The following NDC80 variants were observed in gnomAD, a reference collection of about 807,000 sequenced individuals.
The protein encoded by NDC80 is kinetochore protein NDC80 homolog.
A neutral mutation model predicts 89.3 loss-of-function variants in NDC80; 69 were observed. The ratio of observed to expected loss-of-function variants is 0.77; its 90% CI spans 0.64 to 0.94. The LOEUF is 0.94. NDC80 is among the 40% of genes least tolerant of loss of function. The pLI is 0.00. For missense variants in NDC80, 593 were observed against 739.6 expected, an observed-to-expected ratio of 0.80 and a Z score of 2.30; for synonymous variants, 243 against 255.6, an observed-to-expected ratio of 0.95 and a Z score of 0.47.
At chr18:2,577,485 AT>A (rs1429446702) in intron 3 of NDC80, 4 of 316,554 alleles carry the variant, frequency 1.3e-5, no homozygotes, top group Non-Finnish European at 2.4e-5. Flanking sequence ...AAGTGCTGGG[AT>A]TACAGGCATG....
At position 2,579,482 on chromosome 18, in the gene NDC80, C is replaced by T. The variant is rs144770047; in HGVS notation, c.579+453C>T. 1.4e-3 allele frequency among the ~76,000 whole-genome samples: 217 copies of T among 152,176 alleles called. 1 individual carries two copies. The highest frequency in any genetic ancestry group is 4.9e-3 in the African/African-American group (202 of 41,530). On this transcript the variant is annotated intron_variant, in intron 6 of 16. Coordinates refer to ENST00000261597, the MANE Select transcript of NDC80 (RefSeq NM_006101.3). ...TCGCTGTGTTGCCCAGGCTGGAGTG[C>T]GGTGGCATGATCTCAGCTCACTTCA...
intron 16 of NDC80, among the ~76,000 whole-genome samples, chr18:2,612,209 T>A (rs1234360440): frequency 1.3e-5 from 2 of 151,880 alleles, no homozygotes; most frequent in Non-Finnish European, 2.9e-5. Context: ...TTTCTTCATC[T>A]GTAAAAATGA....
intron 1 of NDC80, among the ~76,000 whole-genome samples, chr18:2,571,965 G>A (rs1458430471): frequency 1.3e-5 from 2 of 152,130 alleles, no homozygotes; most frequent in Non-Finnish European, 2.9e-5. Flanking sequence ...TGAAGGGGGC[G>A]GAAAGAGATG....
chr18:2,615,898 A>G (rs545646655), intron 16 of NDC80, among the ~76,000 whole-genome samples: 1 of 152,358 alleles, frequency 6.6e-6, no homozygotes, highest in African/African-American at 2.4e-5. Context: ...ATGTGTGTGT[A>G]ATAAAGGTAT....
chr18:2,589,154 T>C, intron 8 of NDC80, 50 bp from the exon 9 acceptor site: 2 of 1,204,966 alleles, frequency 1.7e-6, no homozygotes, highest in Non-Finnish European at 2.5e-6. Context: ...TGGGAAAGAA[T>C]GTTCTAGGCG....
At chr18:2,613,213 A>G (rs1050753824) in intron 16 of NDC80, among the ~76,000 whole-genome samples, 3 of 152,238 alleles carry the variant, frequency 2.0e-5, no homozygotes, top group African/African-American at 7.2e-5. Flanking sequence ...TTGTTTTAGT[A>G]TATCTTTGGC....
In NDC80 at chr18:2,598,206, A is replaced by T. The variant is rs1490220662; in HGVS notation, c.1222-813A>T. On this transcript the variant is annotated intron_variant, in intron 11 of 16. Transcript: ENST00000261597. The stretch of plus-strand genomic sequence containing the variant: ...CATTCCTTCACTCAAATTGATTTTT[A>T]TGGATGGGTAATAACAATGAGAAAC... 2.6e-5 allele frequency among the ~76,000 whole-genome samples: 4 copies of T among 152,192 alleles called. No individual in the cohort carries two copies. The East Asian group carries it at 7.7e-4, about 29-fold the overall frequency.
intron 6 of NDC80, among the ~76,000 whole-genome samples, chr18:2,584,105 T>C (rs2094086785): frequency 6.6e-6 from 1 of 151,966 alleles, no homozygotes; most frequent in South Asian, 2.1e-4. Context: ...CTGGCCAACA[T>C]GGTGAAACCC....
intron 16 of NDC80, 72 bp downstream of exon 16, chr18:2,610,933 C>A (rs558907148): frequency 3.3e-6 from 3 of 920,954 alleles, no homozygotes; most frequent in East Asian, 6.0e-5. Context: ...TGCTTTCTTC[C>A]ATATAAATTA....
At chr18:2,596,374 CAG>C (rs1279031291) in intron 11 of NDC80, among the ~76,000 whole-genome samples, 1 of 151,948 alleles carries the variant, frequency 6.6e-6, no homozygotes, top group Non-Finnish European at 1.5e-5. Context: ...AGGACATGAA[CAG>C]ACACTTCTCA....
intron 11 of NDC80, among the ~76,000 whole-genome samples, chr18:2,595,841 TA>T (rs1188622365): frequency 2.0e-5 from 3 of 152,240 alleles, no homozygotes; most frequent in African/African-American, 7.2e-5. Flanking sequence ...AATGAAAAAG[TA>T]AACAAAAAAG....
At chr18:2,583,739 C>T in intron 6 of NDC80, among the ~76,000 whole-genome samples, 1 of 150,784 alleles carries the variant, frequency 6.6e-6, no homozygotes, top group Non-Finnish European at 1.5e-5. Context: ...GAGGCCTTGT[C>T]GAAAAAAGAC....
chr18:2,578,901 G>A, intron 5 of NDC80, 26 bp from the exon 6 acceptor site: 2 of 1,286,806 alleles, frequency 1.6e-6, no homozygotes, highest in Non-Finnish European at 2.1e-6. Context: ...CATTAAATTA[G>A]CTTATGTTTT....
At position 2,595,436 on chromosome 18, in the gene NDC80, A is replaced by C; in HGVS notation, c.1036A>C (p.Lys346Gln). ...ARVELECETI[K>Q]QENTRLQNII... ...CACAGAACTAGAATGTGAAACAATA[A>C]AACAGGAGAACACTCGACTACAGAA... Residue 346 changes from lysine (K) to glutamine (Q), a missense_variant, in exon 11 of 17, where the codon AAA (lysine) becomes CAA (glutamine). Coordinates refer to ENST00000261597, the MANE Select transcript of NDC80 (RefSeq NM_006101.3). 6.2e-7 allele frequency: 1 copy of C among 1,613,726 alleles called. No individual in the cohort carries two copies. Among genetic ancestry groups the C allele is most frequent in the Non-Finnish European group, 8.5e-7 (1 of 1,179,824 alleles).
Position 2,592,207 on chromosome 18 carries a change from A to G in NDC80, c.1015+2045A>G, listed in dbSNP as rs1470838276. Reference sequence around the variant, plus strand: ...GAAATACTTAATCATTTGCCATTCCAGAGTGATTTAGTTTGAGACATTAAT... The same window carrying G: ...GAAATACTTAATCATTTGCCATTCCGGAGTGATTTAGTTTGAGACATTAAT... On this transcript the variant is annotated intron_variant, in intron 10 of 16. Transcript: ENST00000261597. Among the ~76,000 whole-genome samples the G allele has an allele frequency of 4.6e-5, 7 of 152,328 alleles. No individual in the cohort carries two copies. In the South Asian group the frequency reaches 1.4e-3, roughly 32 times the overall value.
At chr18:2,612,257 C>T (rs1166348160) in intron 16 of NDC80, among the ~76,000 whole-genome samples, 4 of 145,046 alleles carry the variant, frequency 2.8e-5, no homozygotes, top group African/African-American at 7.7e-5. Flanking sequence ...TCCTTAGCAC[C>T]TCTGACTTTC....
chr18:2,578,802 A>G (rs544104532), intron 5 of NDC80, 125 bp from the exon 6 acceptor site: 150 of 449,464 alleles, frequency 3.3e-4, no homozygotes, highest in African/African-American at 2.6e-3. Flanking sequence ...AACATATCTT[A>G]CCTCTAAACA....
At chr18:2,597,447 C>T (rs747192572) in intron 11 of NDC80, among the ~76,000 whole-genome samples, 25 of 152,016 alleles carry the variant, frequency 1.6e-4, no homozygotes, top group Non-Finnish European at 2.6e-4. Flanking sequence ...AGTAAGGATT[C>T]GGTCCGGATG....
At chr18:2,601,582 A>T (rs1408042118) in intron 13 of NDC80, 97 bp downstream of exon 13, 4 of 511,800 alleles carry the variant, frequency 7.8e-6, no homozygotes, top group African/African-American at 2.0e-5. Flanking sequence ...TAAGGAATTA[A>T]TTTTTTAACA....
Sources: gnomAD v4.1 joint callset for allele counts (sites outside exome capture counted in the v4.1 genomes callset) on GRCh38, gnomAD v4.1.1 for gene constraint, MANE v1.5 for transcripts, NCBI Gene and HGNC (gene_info 2026-07-23, HGNC 2026-07-21) for gene names.